The following IGSF21 variants were observed in gnomAD, a reference collection of about 807,000 sequenced individuals.
The protein encoded by IGSF21 is immunoglobulin superfamily member 21.
A neutral mutation model predicts 46.8 loss-of-function variants in IGSF21; 28 were observed. That is an observed-to-expected ratio of 0.60 (90% CI 0.44 to 0.82). The LOEUF (loss-of-function observed/expected upper bound fraction) is 0.82, where lower values mean the gene tolerates loss of function less well. Among genes scored for constraint, IGSF21 ranks in the 40% least tolerant of loss-of-function variants. The probability of loss-of-function intolerance (pLI) is 0.00; values close to 1 mark genes in which losing one functional copy is unlikely to be tolerated. For synonymous variants in IGSF21, 284 were observed against 273.6 expected, an observed-to-expected ratio of 1.04 and a Z score of -0.38; for missense variants, 624 against 665.5, an observed-to-expected ratio of 0.94 and a Z score of 0.69.
intron 1 of IGSF21, among the ~76,000 whole-genome samples, chr1:18,126,243 G>A (rs2086273688): frequency 6.6e-6 from 1 of 152,158 alleles, no homozygotes; most frequent in African/African-American, 2.4e-5. Context: ...CACAGATGGG[G>A]CTTCAGTTCC....
At position 18,156,814 on chromosome 1, in the gene IGSF21, G is replaced by A. The variant is rs1035611198; in HGVS notation, c.70+48616G>A. On this transcript the variant is annotated intron_variant, in intron 1 of 9. Coordinates refer to ENST00000251296, the MANE Select transcript of IGSF21 (RefSeq NM_032880.5). The stretch of plus-strand genomic sequence containing the variant: ...CAGGTGTGAGGCTGGAAGTGAGAGC[G>A]GACAGTGGGACTGAAATCCGGACTC... Among the ~76,000 whole-genome samples, 3 of 152,164 alleles carry A rather than the reference G, an allele frequency of 2.0e-5. No individual in the cohort carries two copies. In the South Asian group the frequency reaches 6.2e-4, roughly 31 times the overall value.
intron 6 of IGSF21, 188 bp from the exon 7 acceptor site, chr1:18,376,122 G>A: frequency 3.3e-6 from 2 of 601,412 alleles, no homozygotes; most frequent in Non-Finnish European, 6.2e-6. Flanking sequence ...CTGATTCATT[G>A]CATGGGCTTA....
intron 3 of IGSF21, among the ~76,000 whole-genome samples, chr1:18,301,170 T>C (rs775049498): frequency 6.6e-6 from 1 of 152,150 alleles, no homozygotes; most frequent in Non-Finnish European, 1.5e-5. Flanking sequence ...AGAGGAATGG[T>C]CACTTGTCCA....
At chr1:18,308,393 C>T (rs2085448783) in intron 3 of IGSF21, among the ~76,000 whole-genome samples, 1 of 152,180 alleles carries the variant, frequency 6.6e-6, no homozygotes, top group African/African-American at 2.4e-5. Flanking sequence ...TCTGATGCAC[C>T]AGAGGCCAAG....
chr1:18,268,544 A>G (rs1188007927), intron 2 of IGSF21, among the ~76,000 whole-genome samples: 1 of 152,192 alleles, frequency 6.6e-6, no homozygotes, highest in East Asian at 1.9e-4. Context: ...TACATGTGAT[A>G]TGTCTGGAAA....
chr1:18,115,834 G>A lies in IGSF21; in HGVS notation c.70+7636G>A, dbSNP rs1273340679. ...GGGAGGAAGACAGGAAGGAAGGAAG[G>A]AAGGAAGGAAGAAAGAAAGAAAGAA... On this transcript the variant is annotated intron_variant, in intron 1 of 9. Coordinates refer to ENST00000251296, the MANE Select transcript of IGSF21 (RefSeq NM_032880.5). The A allele has an allele frequency of 5.4e-5, 5 of 92,938 alleles. No individual in the cohort carries two copies. The South Asian group carries it at 1.0e-3, about 19-fold the overall frequency. 5.8% of individuals were successfully genotyped at this position (92,938 alleles called of 1,614,324 possible). A position where few individuals can be genotyped will look rare whatever the true frequency, so the allele number is the denominator to read the frequency against.
chr1:18,225,083 TCTCA>T (rs1285948477), intron 1 of IGSF21, among the ~76,000 whole-genome samples: 1,550 of 54,852 alleles, frequency 0.028, 32 homozygotes, highest in East Asian at 0.059. Context: ...TCTCTCTCTC[TCTCA>T]CACACACACA....
At chr1:18,329,784 G>A (rs1292947825) in intron 3 of IGSF21, among the ~76,000 whole-genome samples, 1 of 152,206 alleles carries the variant, frequency 6.6e-6, no homozygotes, top group Non-Finnish European at 1.5e-5. Flanking sequence ...TCAGTTTAGG[G>A]CATGGCATAC....
chr1:18,354,409 GAAAA>G (rs375283226), intron 4 of IGSF21, among the ~76,000 whole-genome samples: 6 of 144,330 alleles, frequency 4.2e-5, no homozygotes, highest in Admixed American at 6.9e-5. Context: ...GGAACCAAAA[GAAAA>G]AAAAAAGAAA....
At chr1:18,183,515 G>C (rs1265249687) in intron 1 of IGSF21, among the ~76,000 whole-genome samples, 1 of 152,248 alleles carries the variant, frequency 6.6e-6, no homozygotes, top group African/African-American at 2.4e-5. Context: ...AGCCTGGAAA[G>C]CTGGCACAAG....
intron 1 of IGSF21, among the ~76,000 whole-genome samples, chr1:18,171,004 A>G (rs1387477815): frequency 6.6e-6 from 1 of 151,960 alleles, no homozygotes; most frequent in Non-Finnish European, 1.5e-5. Flanking sequence ...AAAAGCAAGG[A>G]AACAGCAGAC....
intron 5 of IGSF21, among the ~76,000 whole-genome samples, 181 bp downstream of exon 5, chr1:18,362,411 G>A (rs1158323635): frequency 6.6e-6 from 1 of 152,176 alleles, no homozygotes; most frequent in Non-Finnish European, 1.5e-5. Context: ...GCATCCATGT[G>A]CCCCTGTTGC....
At chr1:18,298,605 T>A (rs2085333617) in intron 3 of IGSF21, among the ~76,000 whole-genome samples, 1 of 152,190 alleles carries the variant, frequency 6.6e-6, no homozygotes, top group Non-Finnish European at 1.5e-5. Context: ...TTTTGATGTA[T>A]GTTTATCAGG....
At chr1:18,249,532 G>T (rs557473187) in intron 2 of IGSF21, among the ~76,000 whole-genome samples, 12 of 152,098 alleles carry the variant, frequency 7.9e-5, no homozygotes, top group Non-Finnish European at 1.5e-4. Context: ...GTGGACATTG[G>T]GGGCAGCCTC....
intron 2 of IGSF21, among the ~76,000 whole-genome samples, chr1:18,240,025 C>A (rs1268551839): frequency 1.3e-5 from 2 of 152,184 alleles, no homozygotes; most frequent in African/African-American, 4.8e-5. Flanking sequence ...TGCCTGTAAT[C>A]CCAGCACTTT....
chr1:18,376,784 C>T lies in IGSF21; in HGVS notation c.1102-16C>T. 6.4e-7 allele frequency: 1 copy of T among 1,571,400 alleles called. No homozygotes were observed. Among genetic ancestry groups the T allele is most frequent in the Non-Finnish European group, 8.7e-7 (1 of 1,153,152 alleles). On this transcript the variant is annotated splice_polypyrimidine_tract_variant and intron_variant, in intron 7 of 9. Transcript: ENST00000251296. The stretch of plus-strand genomic sequence containing the variant: ...GGCCCTCCTGTGACCCACCTCTCCC[C>T]TGATCTGGCCAACAGAACGAAGTCT...
intron 3 of IGSF21, among the ~76,000 whole-genome samples, chr1:18,332,687 G>A (rs902176575): frequency 2.6e-5 from 4 of 152,196 alleles, no homozygotes; most frequent in East Asian, 3.9e-4. Flanking sequence ...AGTGGAGGGG[G>A]ACGGCGTCTT....
intron 4 of IGSF21, among the ~76,000 whole-genome samples, chr1:18,355,011 T>C (rs4920315): frequency 0.28 from 42,283 of 151,928 alleles, 6,486 homozygotes; most frequent in East Asian, 0.41. Flanking sequence ...CTTATTGAAC[T>C]CATTTGATAG....
At chr1:18,122,489 C>G (rs1164077447) in intron 1 of IGSF21, among the ~76,000 whole-genome samples, 3 of 152,046 alleles carry the variant, frequency 2.0e-5, no homozygotes, top group Non-Finnish European at 4.4e-5. Flanking sequence ...CCACGCCAAG[C>G]CACCCCAACT....
Sources: allele counts gnomAD v4.1 joint callset (sites outside exome capture counted in the v4.1 genomes callset), GRCh38; gene constraint gnomAD v4.1.1; transcripts MANE v1.5; gene names NCBI Gene and HGNC (gene_info 2026-07-23, HGNC 2026-07-21).